The following MSRA variants were observed in gnomAD, a reference collection of about 807,000 sequenced individuals.
MSRA encodes methionine sulfoxide reductase A.
A neutral mutation model predicts 31.3 loss-of-function variants in MSRA; 54 were observed. The ratio of observed to expected loss-of-function variants is 1.73; its 90% CI spans 1.39 to 2.17. MSRA has a LOEUF of 2.17. Among genes scored for constraint, MSRA ranks in the 30% most tolerant of loss-of-function variants. MSRA has a pLI of 0.00. For synonymous variants in MSRA, 169 were observed against 116.5 expected (o/e 1.45, Z -2.90); for missense variants, 507 against 300.9 (o/e 1.69, Z -5.07).
At chr8:10,363,799 G>A (rs976542231) in intron 5 of MSRA, among the ~76,000 whole-genome samples, 12 of 82,320 alleles carry the variant, frequency 1.5e-4, no homozygotes, top group Non-Finnish European at 2.4e-4. Context: ...GTTGTGGTGC[G>A]CACCCACCTG....
intron 1 of MSRA, among the ~76,000 whole-genome samples, chr8:10,083,287 T>A (rs1160290888): frequency 6.6e-6 from 1 of 152,232 alleles, no homozygotes; most frequent in Non-Finnish European, 1.5e-5. Context: ...TCACTTTAGA[T>A]TTGTTTTCTG....
intron 3 of MSRA, among the ~76,000 whole-genome samples, chr8:10,281,278 C>G (rs1287023227): frequency 2.0e-5 from 3 of 152,218 alleles, no homozygotes; most frequent in African/African-American, 7.2e-5. Context: ...TTCTTACTCT[C>G]TCTCACCTCT....
At chr8:10,401,926 G>C (rs1234045487) in intron 5 of MSRA, among the ~76,000 whole-genome samples, 4 of 152,164 alleles carry the variant, frequency 2.6e-5, no homozygotes, top group Non-Finnish European at 5.9e-5. Context: ...TTATCTAATG[G>C]GTAAAGAATT....
intron 5 of MSRA, among the ~76,000 whole-genome samples, chr8:10,389,735 G>A (rs866946391): frequency 4.5e-5 from 6 of 133,280 alleles, no homozygotes; most frequent in Admixed American, 1.5e-4. Context: ...TTTTTCAGAA[G>A]CTTGCTTTTT....
intron 2 of MSRA, among the ~76,000 whole-genome samples, chr8:10,219,339 C>T (rs1420429113): frequency 6.6e-6 from 1 of 152,132 alleles, no homozygotes; most frequent in South Asian, 2.1e-4. Flanking sequence ...GTAGGTAAAA[C>T]TGTTCGTGGT....
At position 10,200,024 on chromosome 8, in the gene MSRA, T is replaced by A. The variant is rs186523401; in HGVS notation, c.143-7809T>A. Among the ~76,000 whole-genome samples, 378 of 152,330 alleles carry A rather than the reference T, an allele frequency of 2.5e-3. 1 individual carries two copies. The highest frequency in any genetic ancestry group is 8.7e-3 in the African/African-American group (361 of 41,584). ...TCAGCCTGGCCTGTTCTGCCCATCC[T>A]ATTGTGACCTCTTGAAGCTCAGGCT... is the stretch of plus-strand genomic sequence containing the variant. On this transcript the variant is annotated intron_variant, in intron 1 of 5. Transcript: ENST00000317173.
intron 1 of MSRA, among the ~76,000 whole-genome samples, chr8:10,146,126 G>C (rs1355896979): frequency 1.3e-5 from 2 of 152,138 alleles, no homozygotes; most frequent in Admixed American, 6.5e-5. Flanking sequence ...GTGTGGTTTG[G>C]ACCAGAACAA....
chr8:10,162,896 G>A (rs1804785989), intron 1 of MSRA, among the ~76,000 whole-genome samples: 1 of 152,146 alleles, frequency 6.6e-6, no homozygotes. Flanking sequence ...GTAAAGGTGG[G>A]TTCACGGAAT....
chr8:10,166,524 CAT>C (rs939973375), intron 1 of MSRA, among the ~76,000 whole-genome samples: 6 of 151,772 alleles, frequency 4.0e-5, no homozygotes, highest in African/African-American at 1.5e-4. Context: ...TGTGTGTGTG[CAT>C]ATGTGTGTGT....
Position 10,281,318 on chromosome 8 carries a change from C to A in MSRA, c.332-20216C>A, listed in dbSNP as rs574028634. On this transcript the variant is annotated intron_variant, in intron 3 of 5. Transcript: ENST00000317173. The stretch of plus-strand genomic sequence containing the variant: ...CTCTGCCATTCTCCTGGACTTTTCC[C>A]CATCGTTGGAAATGTCGAATAACAA... 6.0e-4 allele frequency among the ~76,000 whole-genome samples: 91 copies of A among 152,284 alleles called. No homozygotes were observed. The South Asian group carries it at 0.018, about 31-fold the overall frequency.
At chr8:10,120,535 C>T (rs1801032427) in intron 1 of MSRA, among the ~76,000 whole-genome samples, 3 of 152,190 alleles carry the variant, frequency 2.0e-5, no homozygotes, top group African/African-American at 7.2e-5. Flanking sequence ...TATGTTTTAT[C>T]CAGCGTTACC....
intron 5 of MSRA, among the ~76,000 whole-genome samples, chr8:10,329,801 G>A (rs978052477): frequency 4.6e-5 from 7 of 151,816 alleles, no homozygotes; most frequent in African/African-American, 1.7e-4. Context: ...AGCGAGATGG[G>A]ATTTGATTTC....
intron 2 of MSRA, among the ~76,000 whole-genome samples, chr8:10,239,548 C>T (rs1372746235): frequency 1.3e-5 from 2 of 152,212 alleles, no homozygotes; most frequent in African/African-American, 2.4e-5. Context: ...CAACAGAGAT[C>T]CTCCTACACT....
At chr8:10,227,117 G>A (rs1811068486) in intron 2 of MSRA, among the ~76,000 whole-genome samples, 1 of 152,186 alleles carries the variant, frequency 6.6e-6, no homozygotes, top group Non-Finnish European at 1.5e-5. Context: ...CACATTCTGA[G>A]GAGAGCAGAT....
At chr8:10,203,089 A>G (rs569983066) in intron 1 of MSRA, among the ~76,000 whole-genome samples, 55 of 152,060 alleles carry the variant, frequency 3.6e-4, no homozygotes, top group Non-Finnish European at 7.1e-4. Flanking sequence ...AGAACCTGTT[A>G]TCTTTGGGCT....
At chr8:10,127,478 C>G (rs926268248) in intron 1 of MSRA, among the ~76,000 whole-genome samples, 3 of 152,132 alleles carry the variant, frequency 2.0e-5, no homozygotes, top group Middle Eastern at 3.2e-3. Flanking sequence ...TTTGCATAAC[C>G]TACTTATTAT....
At chr8:10,359,512 A>T (rs536242016) in intron 5 of MSRA, among the ~76,000 whole-genome samples, 1 of 152,064 alleles carries the variant, frequency 6.6e-6, no homozygotes. Flanking sequence ...TTTGGCATGC[A>T]TTCATTATCT....
chr8:10,386,771 G>A (rs931814136), intron 5 of MSRA, among the ~76,000 whole-genome samples: 4 of 151,492 alleles, frequency 2.6e-5, no homozygotes, highest in African/African-American at 9.7e-5. Context: ...AAAAATGAGG[G>A]ATGAATGCAT....
chr8:10,211,938 A>G (rs1401342992), intron 2 of MSRA, among the ~76,000 whole-genome samples: 1 of 152,178 alleles, frequency 6.6e-6, no homozygotes, highest in African/African-American at 2.4e-5. Context: ...GAGAAAATCA[A>G]AGCTTACTAA....
Sources: allele counts gnomAD v4.1 joint callset (sites outside exome capture counted in the v4.1 genomes callset), GRCh38; gene constraint gnomAD v4.1.1; transcripts MANE v1.5; gene names NCBI Gene and HGNC (gene_info 2026-07-23, HGNC 2026-07-21).